CCDC141: variants seen among roughly 807,000 people sequenced by gnomAD.
CCDC141 encodes coiled-coil domain containing 141.
Under a neutral mutation model 181.0 loss-of-function variants are expected in CCDC141, and 168 were observed. The ratio of observed to expected loss-of-function variants is 0.93; its 90% confidence interval spans 0.82 to 1.05. The LOEUF (loss-of-function observed/expected upper bound fraction) is 1.05, where lower values mean the gene tolerates loss of function less well. CCDC141 is among the 50% of genes least tolerant of loss of function. The probability of loss-of-function intolerance (pLI) is 0.00; values close to 1 mark genes in which losing one functional copy is unlikely to be tolerated. For synonymous variants in CCDC141, 666 were observed against 642.3 expected (o/e 1.04, Z -0.56); for missense variants, 1,902 against 1,788.5 (o/e 1.06, Z -1.14).
intron 7 of CCDC141, among the ~76,000 whole-genome samples, chr2:178,906,051 T>G (rs901585320): frequency 6.6e-6 from 1 of 152,198 alleles, no homozygotes; most frequent in African/African-American, 2.4e-5. Context: ...AAGGCATCCA[T>G]CTGTCTTCAG....
intron 5 of CCDC141, among the ~76,000 whole-genome samples, chr2:178,947,141 CATGTCAATCATA>C (rs1276276903): frequency 6.6e-6 from 1 of 152,184 alleles, no homozygotes; most frequent in Non-Finnish European, 1.5e-5. Flanking sequence ...TAACCAGGAG[CATGTCAATCATA>C]ATATTCTGCC....
downstream of CCDC141, among the ~76,000 whole-genome samples, chr2:178,828,859 C>A (rs574087037): frequency 6.6e-6 from 1 of 152,168 alleles, no homozygotes; most frequent in African/African-American, 2.4e-5. Flanking sequence ...GATTTTATTG[C>A]ATGTTTTTTT....
At chr2:178,963,611 G>A (rs148064299) in intron 4 of CCDC141, among the ~76,000 whole-genome samples, 6 of 151,500 alleles carry the variant, frequency 4.0e-5, no homozygotes, top group East Asian at 1.9e-4. Flanking sequence ...TTATTACACC[G>A]CAATGATGTA....
At chr2:178,940,146 G>A (rs896603101) in intron 6 of CCDC141, among the ~76,000 whole-genome samples, 8 of 152,198 alleles carry the variant, frequency 5.3e-5, no homozygotes, top group African/African-American at 1.9e-4. Flanking sequence ...GAAGAACTTG[G>A]CAGGAGGGCT....
Position 178,978,490 on chromosome 2 carries a change from G to A in CCDC141, c.411C>T (p.Ala137=), listed in dbSNP as rs1379223733. The A allele has an allele frequency of 2.0e-6, 3 of 1,498,958 alleles. No homozygotes were observed. Among genetic ancestry groups the A allele is most frequent in the Admixed American group, 4.8e-5 (2 of 41,832 alleles). 92.9% of individuals were successfully genotyped at this position (1,498,958 alleles called of 1,614,324 possible). A position where few individuals can be genotyped will look rare whatever the true frequency, so the allele number is the denominator to read the frequency against. ...AGTTTTTTAAAGTACAAACCTCTAA[G>A]GCATTTTCAAAAAATTCAGAAGTCA... ...LRLTSEFFEN[A]LEFAIKIDQA... is the part of the protein sequence containing the mutation. The change falls in exon 3 of 24, where the codon GCC becomes GCT. Residue 137 remains alanine, a synonymous_variant. Coordinates refer to ENST00000443758, the MANE Select transcript of CCDC141 (RefSeq NM_173648.4).
intron 8 of CCDC141, among the ~76,000 whole-genome samples, chr2:178,891,537 G>T (rs1472023979): frequency 6.6e-6 from 1 of 152,070 alleles, no homozygotes; most frequent in South Asian, 2.1e-4. Context: ...GGGATGGCCT[G>T]GCTGACAGGC....
Position 178,866,016 on chromosome 2 carries a change from T to A in CCDC141, c.2575-100A>T, listed in dbSNP as rs140820971. ...TATGAAACTCATAAATGACACTTTT[T>A]AAAAAAAGAAATAGGTTCCTGATTT... On this transcript the variant is annotated intron_variant, in intron 16 of 23. Transcript: ENST00000443758. 121 of 972,556 alleles carry A rather than the reference T, an allele frequency of 1.2e-4. 1 individual carries two copies. The African/African-American group carries it at 1.6e-3, about 13-fold the overall frequency. The allele number at this position is 972,556 out of a possible 1,614,324, so 60.2% of individuals were successfully genotyped here.
At chr2:178,949,143 G>T (rs1365114526) in intron 5 of CCDC141, among the ~76,000 whole-genome samples, 1 of 152,180 alleles carries the variant, frequency 6.6e-6, no homozygotes, top group African/African-American at 2.4e-5. Flanking sequence ...AGAGTAGGAA[G>T]GTTGGAAGAG....
At chr2:178,904,591 G>A (rs1313463846) in intron 8 of CCDC141, among the ~76,000 whole-genome samples, 1 of 150,650 alleles carries the variant, frequency 6.6e-6, no homozygotes, top group Admixed American at 6.8e-5. Flanking sequence ...TAATTTTTTT[G>A]TTCTCTCTCT....
At chr2:178,922,374 C>G (rs1404488442) in intron 6 of CCDC141, among the ~76,000 whole-genome samples, 1 of 152,200 alleles carries the variant, frequency 6.6e-6, no homozygotes, top group Non-Finnish European at 1.5e-5. Context: ...GGTAGTTTGA[C>G]TCTACAATCT....
intron 6 of CCDC141, among the ~76,000 whole-genome samples, chr2:178,923,439 C>T (rs1688792670): frequency 6.6e-6 from 1 of 152,104 alleles, no homozygotes; most frequent in African/African-American, 2.4e-5. Flanking sequence ...CTTTCCAGAG[C>T]AATTTGAATC....
At chr2:178,982,062 T>G (rs1691440275) in intron 2 of CCDC141, among the ~76,000 whole-genome samples, 1 of 152,074 alleles carries the variant, frequency 6.6e-6, no homozygotes, top group Admixed American at 6.5e-5. Context: ...GACAAATTCC[T>G]TGAAAGCCAC....
intron 7 of CCDC141, among the ~76,000 whole-genome samples, chr2:178,908,007 A>T (rs541271426): frequency 1.4e-5 from 2 of 146,624 alleles, no homozygotes; most frequent in South Asian, 4.3e-4. Context: ...CTCAAAAAAT[A>T]AAAAAAAAAA....
chr2:179,047,466 C>G (rs781752687), intron 1 of CCDC141, 60 bp from the exon 2 acceptor site: 1 of 1,340,330 alleles, frequency 7.5e-7, no homozygotes, highest in South Asian at 1.9e-5. Context: ...CCTCTTCACC[C>G]TTCTCATTTT....
chr2:178,933,525 GT>G (rs1169408485), intron 6 of CCDC141, among the ~76,000 whole-genome samples: 6 of 152,136 alleles, frequency 3.9e-5, no homozygotes, highest in Non-Finnish European at 8.8e-5. Flanking sequence ...AAGGCTATAA[GT>G]TTCCTTTAAG....
chr2:178,975,821 G>A (rs1027092816), intron 3 of CCDC141, among the ~76,000 whole-genome samples: 1 of 152,122 alleles, frequency 6.6e-6, no homozygotes, highest in African/African-American at 2.4e-5. Flanking sequence ...AAGGATGAGT[G>A]AGAGGAGGTA....
intron 2 of CCDC141, among the ~76,000 whole-genome samples, chr2:179,040,744 A>T (rs1489300114): frequency 6.6e-6 from 1 of 152,198 alleles, no homozygotes; most frequent in East Asian, 1.9e-4. Flanking sequence ...ATCATATTCC[A>T]TGTTATATAT....
chr2:178,948,832 G>C (rs2154377683), intron 5 of CCDC141, among the ~76,000 whole-genome samples: 1 of 152,290 alleles, frequency 6.6e-6, no homozygotes, highest in East Asian at 1.9e-4. Context: ...ATGGGTGAAA[G>C]CAGCCTGAAG....
chr2:178,999,696 C>T (rs187145601), intron 2 of CCDC141, among the ~76,000 whole-genome samples: 49 of 152,158 alleles, frequency 3.2e-4, no homozygotes, highest in African/African-American at 1.0e-3. Context: ...TTCCCTGACA[C>T]TCCTATGGTC....
Sources: gnomAD v4.1 joint callset for allele counts (sites outside exome capture counted in the v4.1 genomes callset) on GRCh38, gnomAD v4.1.1 for gene constraint, MANE v1.5 for transcripts, NCBI Gene and HGNC (gene_info 2026-07-23, HGNC 2026-07-21) for gene names.